The following FAM200B variants were observed in gnomAD, a reference collection of about 807,000 sequenced individuals.
The protein encoded by FAM200B is zinc finger BED-type containing 11.
In FAM200B, 32 loss-of-function variants were observed where a neutral mutation model predicts 33.1. The observed-to-expected ratio is 0.97, with a 90% confidence interval of 0.73 to 1.30. The LOEUF (loss-of-function observed/expected upper bound fraction) is 1.30. Among genes scored for constraint, FAM200B ranks in the 50% most tolerant of loss-of-function variants. The pLI is 0.00. For missense variants in FAM200B, 741 were observed against 754.0 expected, an observed-to-expected ratio of 0.98 and a Z score of 0.20; for synonymous variants, 240 against 264.8, an observed-to-expected ratio of 0.91 and a Z score of 0.91.
At chr4:15,663,646 G>C in the FAM200B span, among the ~76,000 whole-genome samples, 147 of 152,262 alleles carry the variant, frequency 9.7e-4, 1 homozygote, top group African/African-American at 3.4e-3. Flanking sequence ...CTGTGGTGGA[G>C]ATTAAATGAG....
the FAM200B span, among the ~76,000 whole-genome samples, chr4:15,648,984 ATATT>A: frequency 4.3e-4 from 66 of 152,272 alleles, no homozygotes; most frequent in East Asian, 0.011. Context: ...AATATATACA[ATATT>A]TATTTGTCAA....
chr4:15,659,760 A>G, the FAM200B span: 16 of 984,366 alleles, frequency 1.6e-5, no homozygotes, highest in Non-Finnish European at 1.8e-5. Flanking sequence ...AATATTGCCA[A>G]GTGAACACCA....
chr4:15,666,828 AAAACT>A, the FAM200B span, among the ~76,000 whole-genome samples: 287 of 152,224 alleles, frequency 1.9e-3, 1 homozygote, highest in African/African-American at 6.5e-3. Flanking sequence ...CTCAACAAAC[AAAACT>A]AAACTAAACT....
chr4:15,642,110 C>T, the FAM200B span, among the ~76,000 whole-genome samples: 1 of 152,118 alleles, frequency 6.6e-6, no homozygotes, highest in Admixed American at 6.6e-5. Context: ...CTCACTATAT[C>T]TTGAAGTAAC....
chr4:15,646,252 A>G, the FAM200B span, among the ~76,000 whole-genome samples: 27 of 152,352 alleles, frequency 1.8e-4, no homozygotes, highest in South Asian at 6.2e-4. Context: ...ACATGTCACA[A>G]AATACTATTC....
At chr4:15,650,572 A>G in the FAM200B span, among the ~76,000 whole-genome samples, 1 of 152,078 alleles carries the variant, frequency 6.6e-6, no homozygotes, top group Non-Finnish European at 1.5e-5. Flanking sequence ...CAAATTCAAC[A>G]AAGAACTTAT....
At chr4:15,640,817 A>G in the FAM200B span, 1 of 1,571,070 alleles carries the variant, frequency 6.4e-7, no homozygotes, top group Non-Finnish European at 8.6e-7. Flanking sequence ...TGAGGAAGAA[A>G]ATCTCTTGTA....
At position 15,689,080 on chromosome 4, in the gene FAM200B, A is replaced by T; in HGVS notation, c.*129A>T. The T allele has an allele frequency of 1.4e-6, 1 of 738,676 alleles. No homozygotes were observed. Among genetic ancestry groups the T allele is most frequent in the Non-Finnish European group, 1.9e-6 (1 of 518,988 alleles). The allele number at this position is 738,676 out of a possible 1,614,324, so 45.8% of individuals were successfully genotyped here. A position where few individuals can be genotyped will look rare whatever the true frequency, so the allele number is the denominator to read the frequency against. ...GTTTTAATTTTTGTTATATTTAATA[A>T]AATTATTTTATGTTCATTGAACAAA... On this transcript the variant is annotated 3_prime_UTR_variant, in exon 2 of 2. Coordinates refer to ENST00000422728, the MANE Select transcript of FAM200B (RefSeq NM_001145191.2).
At chr4:15,685,919 A>G (rs145044741) in intron 1 of FAM200B, among the ~76,000 whole-genome samples, 1 of 152,214 alleles carries the variant, frequency 6.6e-6, no homozygotes, top group Admixed American at 6.5e-5. Flanking sequence ...AGGTGCGGCC[A>G]AGCAAAAAGG....
chr4:15,662,678 A>G, the FAM200B span, among the ~76,000 whole-genome samples: 54 of 152,316 alleles, frequency 3.5e-4, no homozygotes, highest in African/African-American at 1.3e-3. Flanking sequence ...GTTTTTTTCA[A>G]TATCATTCTA....
At chr4:15,671,698 T>TC in the FAM200B span, among the ~76,000 whole-genome samples, 3 of 152,178 alleles carry the variant, frequency 2.0e-5, no homozygotes, top group Non-Finnish European at 2.9e-5. Context: ...CTTCCCCTAC[T>TC]CCCATTACAC....
the FAM200B span, among the ~76,000 whole-genome samples, chr4:15,645,905 AT>A: frequency 6.6e-6 from 1 of 152,322 alleles, no homozygotes; most frequent in East Asian, 1.9e-4. Context: ...AGTAGCTATG[AT>A]GAGGCAGGCA....
Position 15,688,513 on chromosome 4 carries a change from C to G in FAM200B, c.1536C>G (p.Leu512=). The G allele has an allele frequency of 1.9e-6, 3 of 1,545,320 alleles. No individual in the cohort carries two copies. The highest frequency in any genetic ancestry group is 2.6e-6 in the Non-Finnish European group (3 of 1,141,854). The change falls in exon 2 of 2, where the codon CTC becomes CTG. Residue 512 remains leucine (L), a synonymous_variant. Transcript: ENST00000422728. ...KEIKLEILLH[L]TSLSQTFNHF... is the part of the protein sequence containing the mutation. ...TAAAATTAGAGATATTGTTGCATCT[C>G]ACTTCTCTGTCTCAAACTTTTAACC...
Position 15,689,031 on chromosome 4 carries a change from A to G in FAM200B, c.*80A>G, listed in dbSNP as rs186174648. 1.8e-3 allele frequency: 1,782 copies of G among 1,005,202 alleles called. 2 individuals carry two copies. The highest frequency in any genetic ancestry group is 2.3e-3 in the Non-Finnish European group (1,703 of 750,984). 62.3% of individuals were successfully genotyped at this position (1,005,202 alleles called of 1,614,324 possible). A position where few individuals can be genotyped will look rare whatever the true frequency, so the allele number is the denominator to read the frequency against. The stretch of plus-strand genomic sequence containing the variant: ...TTCTATGTTATATTTAAATGGTACT[A>G]TAATACTGTGATACTTTTGTTATGT... On this transcript the variant is annotated 3_prime_UTR_variant, in exon 2 of 2. Transcript: ENST00000422728.
chr4:15,686,347 A>G lies in FAM200B; in HGVS notation c.-631A>G, dbSNP rs190856267. On this transcript the variant is annotated 5_prime_UTR_variant, in exon 2 of 2. Transcript: ENST00000422728. ...GCTCCTCACTGGATCAGACCATAAA[A>G]ATGATCCAGGAATGAAAATCTAAGA... 1.2e-4 allele frequency: 18 copies of G among 152,288 alleles called. No homozygotes were observed. The highest frequency in any genetic ancestry group is 4.3e-4 in the African/African-American group (18 of 41,544). 9.4% of individuals were successfully genotyped at this position (152,288 alleles called of 1,614,324 possible). A position where few individuals can be genotyped will look rare whatever the true frequency, so the allele number is the denominator to read the frequency against.
chr4:15,642,576 A>C, the FAM200B span, among the ~76,000 whole-genome samples: 1 of 152,150 alleles, frequency 6.6e-6, no homozygotes, highest in Non-Finnish European at 1.5e-5. Flanking sequence ...TATCTCTGTT[A>C]AGTCTTCTCT....
At chr4:15,654,288 G>T in the FAM200B span, among the ~76,000 whole-genome samples, 2 of 152,236 alleles carry the variant, frequency 1.3e-5, no homozygotes, top group African/African-American at 4.8e-5. Context: ...GGGACTGCCT[G>T]AGGTTTGCAG....
At chr4:15,655,073 G>C in the FAM200B span, 1 of 611,402 alleles carries the variant, frequency 1.6e-6, no homozygotes, top group Non-Finnish European at 2.2e-6. Context: ...GCTGACAGCT[G>C]CGCAGGCGGC....
the FAM200B span, among the ~76,000 whole-genome samples, chr4:15,651,983 C>T: frequency 6.6e-6 from 1 of 152,160 alleles, no homozygotes; most frequent in Non-Finnish European, 1.5e-5. Flanking sequence ...GATTTCCATC[C>T]TAGCATAGAT....
Sources: allele counts gnomAD v4.1 joint callset (sites outside exome capture counted in the v4.1 genomes callset), GRCh38; gene constraint gnomAD v4.1.1; transcripts MANE v1.5; gene names NCBI Gene and HGNC (gene_info 2026-07-23, HGNC 2026-07-21).